PSMA1: variants seen among roughly 807,000 people sequenced by gnomAD.
PSMA1 encodes proteasome subunit alpha type-1.
Under a neutral mutation model 38.4 loss-of-function variants are expected in PSMA1, and 3 were observed. The observed-to-expected ratio is 0.08, with a 90% CI of 0.04 to 0.20. The LOEUF (loss-of-function observed/expected upper bound fraction) is 0.20, where lower values mean the gene tolerates loss of function less well. Ranked by LOEUF, PSMA1 falls within the 10% of genes least tolerant of loss-of-function variation. PSMA1 has a pLI of 1.00. For missense variants in PSMA1, 227 were observed against 325.3 expected (o/e 0.70, Z 2.32); for synonymous variants, 101 against 107.1 (o/e 0.94, Z 0.35).
intron 2 of PSMA1, among the ~76,000 whole-genome samples, chr11:14,546,920 G>T (rs1421976050): frequency 1.3e-5 from 2 of 152,152 alleles, no homozygotes; most frequent in East Asian, 1.9e-4. Flanking sequence ...ATTTAGAGGG[G>T]TGCTTACCAG....
rs551493775 is a variant in PSMA1, at chr11:14,596,658, G to T, written c.21+14308C>A. 2.0e-4 allele frequency among the ~76,000 whole-genome samples: 31 copies of T among 152,294 alleles called. No individual in the cohort carries two copies. In the South Asian group the frequency reaches 6.2e-3, roughly 31 times the overall value. On this transcript the variant is annotated intron_variant, in intron 2 of 10. Coordinates refer to the PSMA1 transcript ENST00000418988. ...GGAGATTTTGGGCTGAGACGATGGG[G>T]TTTTCTAAATATACAATCATGTCAT...
At chr11:14,597,422 G>T (rs1430128950) in intron 2 of PSMA1, among the ~76,000 whole-genome samples, 3 of 152,204 alleles carry the variant, frequency 2.0e-5, no homozygotes, top group African/African-American at 4.8e-5. Flanking sequence ...CAATTTCAGA[G>T]CCTGTTATTG....
intron 2 of PSMA1, among the ~76,000 whole-genome samples, chr11:14,574,590 T>C (rs1294457290): frequency 2.0e-5 from 3 of 152,070 alleles, no homozygotes; most frequent in Admixed American, 1.3e-4. Flanking sequence ...CAGTGGGAGG[T>C]AATTGAATGA....
At chr11:14,541,815 C>T (rs929435860) in intron 2 of PSMA1, among the ~76,000 whole-genome samples, 4 of 152,158 alleles carry the variant, frequency 2.6e-5, no homozygotes, top group African/African-American at 4.8e-5. Flanking sequence ...TGCATCAGGG[C>T]GGATAGTTTA....
chr11:14,604,989 A>G (rs910436223), intron 2 of PSMA1, among the ~76,000 whole-genome samples: 3 of 152,132 alleles, frequency 2.0e-5, no homozygotes, highest in African/African-American at 2.4e-5. Context: ...TGTCTTTGCT[A>G]TTGTGAATAG....
rs747082500 is a variant in PSMA1 at position 14,517,702 on chromosome 11, T to C, written c.194A>G (p.His65Arg). Residue 65 changes from histidine (H) to arginine (R), a missense_variant, in exon 4 of 10, where the codon CAT becomes CGT. Transcript: ENST00000396394. Reference protein sequence around the residue: ...ELAAHQKKILHVDNHIGISIA... With the variant: ...ELAAHQKKILRVDNHIGISIA... ...TGAGATACCAATATGGTTGTCAACA[T>C]GGAGAATTTTTTTCTGATGAGCTGC... 25 of 1,609,154 alleles carry C rather than the reference T, an allele frequency of 1.6e-5. 1 individual carries two copies.
At chr11:14,582,600 C>T (rs1852295517) in intron 2 of PSMA1, among the ~76,000 whole-genome samples, 1 of 152,212 alleles carries the variant, frequency 6.6e-6, no homozygotes, top group Non-Finnish European at 1.5e-5. Context: ...TCACTGCAAC[C>T]TCTGCCTCCC....
chr11:14,577,291 A>T (rs988094044), intron 2 of PSMA1, among the ~76,000 whole-genome samples: 1 of 152,206 alleles, frequency 6.6e-6, no homozygotes, highest in Non-Finnish European at 1.5e-5. Flanking sequence ...AGTGGTACAG[A>T]TGAGAAAACA....
intron 2 of PSMA1, among the ~76,000 whole-genome samples, chr11:14,570,992 T>A (rs1589995626): frequency 6.6e-6 from 1 of 152,290 alleles, no homozygotes; most frequent in East Asian, 1.9e-4. Flanking sequence ...CCCATCATAC[T>A]CCAACAGCAG....
chr11:14,630,759 C>A (rs1238426965), intron 1 of PSMA1, among the ~76,000 whole-genome samples: 1 of 152,016 alleles, frequency 6.6e-6, no homozygotes, highest in Non-Finnish European at 1.5e-5. Context: ...CCTCCTTGTA[C>A]CTCTGGTATA....
At position 14,604,922 on chromosome 11, in the gene PSMA1, T is replaced by C. The variant is rs1852624232; in HGVS notation, c.21+6044A>G. Among the ~76,000 whole-genome samples the C allele has an allele frequency of 2.0e-5, 3 of 152,370 alleles. No individual in the cohort carries two copies. In the South Asian group the frequency reaches 6.2e-4, roughly 32 times the overall value. ...CTGTGTAGTATTCCATGGGTTATTA[T>C]ATGTACCACATTTTCTTTATCCAAT... On this transcript the variant is annotated intron_variant, in intron 2 of 10. Coordinates refer to the PSMA1 transcript ENST00000418988.
intron 2 of PSMA1, among the ~76,000 whole-genome samples, chr11:14,599,377 A>G (rs185026099): frequency 1.2e-4 from 19 of 152,362 alleles, no homozygotes; most frequent in Admixed American, 1.0e-3. Flanking sequence ...AAGTACACCA[A>G]TCAGACATAG....
At chr11:14,584,077 T>A (rs573968339) in intron 2 of PSMA1, among the ~76,000 whole-genome samples, 212 of 152,300 alleles carry the variant, frequency 1.4e-3, no homozygotes, top group South Asian at 6.2e-3. Flanking sequence ...GAAAGTTTTT[T>A]AAAAAAATTC....
chr11:14,587,564 T>G (rs1420033139), intron 2 of PSMA1, among the ~76,000 whole-genome samples: 3 of 152,092 alleles, frequency 2.0e-5, no homozygotes, highest in Non-Finnish European at 2.9e-5. Context: ...TGAAACAATT[T>G]CCCTTCCTCT....
intron 2 of PSMA1, among the ~76,000 whole-genome samples, chr11:14,599,260 A>C (rs1412008701): frequency 2.0e-5 from 3 of 152,040 alleles, no homozygotes; most frequent in Non-Finnish European, 4.4e-5. Context: ...TGGTTTCTGT[A>C]TTTCCTGAAT....
At chr11:14,594,962 A>C (rs1852467461) in intron 2 of PSMA1, among the ~76,000 whole-genome samples, 1 of 151,810 alleles carries the variant, frequency 6.6e-6, no homozygotes, top group African/African-American at 2.4e-5. Flanking sequence ...CCTGTGTCCA[A>C]GTGATCTCAT....
At chr11:14,530,129 A>G (rs1192514460) in intron 2 of PSMA1, among the ~76,000 whole-genome samples, 1 of 152,162 alleles carries the variant, frequency 6.6e-6, no homozygotes, top group Non-Finnish European at 1.5e-5. Context: ...GTCCACTGTG[A>G]CCTCAACCCC....
chr11:14,618,537 G>A (rs1049262549), intron 1 of PSMA1, among the ~76,000 whole-genome samples: 2 of 152,156 alleles, frequency 1.3e-5, no homozygotes, highest in Admixed American at 6.5e-5. Flanking sequence ...AATACTATAT[G>A]GAATTATCCA....
intron 2 of PSMA1, among the ~76,000 whole-genome samples, chr11:14,589,888 G>T (rs1852390790): frequency 1.3e-5 from 2 of 152,184 alleles, no homozygotes. Context: ...AAACAAGATT[G>T]AGCACTGGGA....
Sources: gnomAD v4.1 joint callset for allele counts (sites outside exome capture counted in the v4.1 genomes callset) on GRCh38, gnomAD v4.1.1 for gene constraint, MANE v1.5 for transcripts, NCBI Gene and HGNC (gene_info 2026-07-23, HGNC 2026-07-21) for gene names.